Variants in ZNF236 observed in about 807,000 individuals in gnomAD.
ZNF236 encodes zinc finger protein 236.
Under a neutral mutation model 191.2 loss-of-function variants are expected in ZNF236, and 50 were observed. That is an observed-to-expected ratio of 0.26 (90% CI 0.21 to 0.33). The LOEUF (loss-of-function observed/expected upper bound fraction) is 0.33, where lower values mean the gene tolerates loss of function less well. Among genes scored for constraint, ZNF236 ranks in the 10% least tolerant of loss-of-function variants. ZNF236 has a pLI of 1.00. For missense variants in ZNF236, 1,754 were observed against 2,374.5 expected (o/e 0.74, Z 5.43); for synonymous variants, 907 against 928.8 (o/e 0.98, Z 0.43).
At chr18:76,830,800 C>T (rs1205177486) in intron 1 of ZNF236, among the ~76,000 whole-genome samples, 1 of 152,138 alleles carries the variant, frequency 6.6e-6, no homozygotes, top group Non-Finnish European at 1.5e-5. Flanking sequence ...AGTGGTATCT[C>T]ATTTTGATTT....
intron 11 of ZNF236, among the ~76,000 whole-genome samples, chr18:76,900,919 C>G (rs957897107): frequency 1.3e-5 from 2 of 152,136 alleles, no homozygotes; most frequent in Non-Finnish European, 2.9e-5. Flanking sequence ...ACTCAGATGT[C>G]AGAGAATCAG....
At chr18:76,966,769 G>C (rs1230120088) in intron 30 of ZNF236, among the ~76,000 whole-genome samples, 1 of 152,192 alleles carries the variant, frequency 6.6e-6, no homozygotes, top group African/African-American at 2.4e-5. Context: ...CCTACTGCTT[G>C]TCTGTCCCTT....
chr18:76,914,021 C>T (rs1967289746), intron 18 of ZNF236, 123 bp downstream of exon 18: 16 of 1,079,990 alleles, frequency 1.5e-5, no homozygotes, highest in Non-Finnish European at 2.1e-5. Flanking sequence ...TTAGTATGTT[C>T]ATAGAGTTCT....
Position 76,851,801 on chromosome 18 carries a change from A to G in ZNF236, c.225A>G (p.Gln75=), listed in dbSNP as rs374468003. The G allele has an allele frequency of 1.6e-5, 26 of 1,613,608 alleles. No homozygotes were observed. In the African/African-American group the frequency reaches 3.3e-4, roughly 21 times the overall value. Residue 75 remains glutamine (Q), a synonymous_variant, in exon 3 of 31, where the codon CAA becomes CAG. Coordinates refer to ENST00000320610, the MANE Select transcript of ZNF236 (RefSeq NM_001306089.2). ...DKPHRCDQCP[Q]TFNVEFNLTL... ...CACATCGATGTGACCAGTGCCCCCA[A>G]ACATTTAATGTTGAATTCAACCTGA...
In ZNF236 at chr18:76,910,731, A is replaced by G; in HGVS notation, c.2725A>G (p.Thr909Ala). The G allele has an allele frequency of 6.2e-7, 1 of 1,614,194 alleles. No individual in the cohort carries two copies. Among genetic ancestry groups the G allele is most frequent in the Non-Finnish European group, 8.5e-7 (1 of 1,180,028 alleles). ...TGTCCAACAGCTACAGGATTCCAGCACACTTGAGTCTCAGGCCCTCTCCAC... is the reference window on the plus strand; with the variant it reads ...TGTCCAACAGCTACAGGATTCCAGCGCACTTGAGTCTCAGGCCCTCTCCAC... ...PPVQQLQDSS[T>A]LESQALSTSF... Residue 909 changes from threonine (T) to alanine (A), a missense_variant, in exon 16 of 31, where the codon ACA becomes GCA. Around this residue, in one of 5 missense-constraint regions of ZNF236, gnomAD observed 641 missense variants for 869.6 expected, o/e 0.74. Transcript: ENST00000320610.
chr18:76,843,200 G>C (rs1459679743), intron 1 of ZNF236, among the ~76,000 whole-genome samples: 2 of 152,196 alleles, frequency 1.3e-5, no homozygotes, highest in Non-Finnish European at 2.9e-5. Flanking sequence ...TGGAGAGCAT[G>C]AGCCGGTGAG....
At chr18:76,887,200 T>TAAAATAC (rs1390964152) in intron 9 of ZNF236, 1 of 152,034 alleles carries the variant, frequency 6.6e-6, no homozygotes, top group African/African-American at 2.4e-5. Flanking sequence ...TGGTGAAACC[T>TAAAATAC]GTCTCTACTA....
chr18:76,834,632 C>G (rs1374799629), intron 1 of ZNF236: 1 of 446,826 alleles, frequency 2.2e-6, no homozygotes, highest in Non-Finnish European at 4.3e-6. Flanking sequence ...ATCCTTTTCC[C>G]GTTGCACCCA....
intron 11 of ZNF236, among the ~76,000 whole-genome samples, chr18:76,902,815 T>G (rs1977636368): frequency 6.6e-6 from 1 of 150,640 alleles, no homozygotes; most frequent in Admixed American, 6.6e-5. Flanking sequence ...GATCTCAAAC[T>G]CCCGACCTCA....
At chr18:76,830,664 A>G (rs1019780729) in intron 1 of ZNF236, among the ~76,000 whole-genome samples, 11 of 152,212 alleles carry the variant, frequency 7.2e-5, no homozygotes, top group African/African-American at 2.7e-4. Flanking sequence ...AAAAAGTCTC[A>G]TAATGTTTTA....
At position 76,880,447 on chromosome 18, in the gene ZNF236, G is replaced by A. The variant is rs1357792388; in HGVS notation, c.1188+131G>A. On this transcript the variant is annotated intron_variant, in intron 8 of 30. Coordinates refer to ENST00000320610, the MANE Select transcript of ZNF236 (RefSeq NM_001306089.2). The surrounding 1 kb of genome is among the most constrained non-coding windows in gnomAD (Gnocchi z 5.0). ...TCCTCATGAAAAATGTGCCTGAACC[G>A]AAAGAAATTAATATGCCTACTTAAT... is the stretch of plus-strand genomic sequence containing the variant. 1.5e-5 allele frequency: 14 copies of A among 930,388 alleles called. 1 individual carries two copies. Among genetic ancestry groups the A allele is most frequent in the Middle Eastern group, 3.5e-4 (1 of 2,856 alleles). The allele number at this position is 930,388 out of a possible 1,614,324, so 57.6% of individuals were successfully genotyped here. A position where few individuals can be genotyped will look rare whatever the true frequency, so the allele number is the denominator to read the frequency against.
In ZNF236 at chr18:76,919,965, G is replaced by C. The variant is rs760314710; in HGVS notation, c.3464G>C (p.Arg1155Thr). The C allele has an allele frequency of 6.2e-7, 1 of 1,614,060 alleles. No individual in the cohort carries two copies. The highest frequency in any genetic ancestry group is 1.7e-5 in the Admixed American group (1 of 60,030). ...AAEKDRISELRDKQAELQDEP... is the reference protein window; with the variant it reads ...AAEKDRISELTDKQAELQDEP... Reference sequence around the variant, plus strand: ...GAAAAGGACCGCATCAGTGAGCTGAGGGACAAGCAGGCGGAGCTGCAGGAC... The same window carrying C: ...GAAAAGGACCGCATCAGTGAGCTGACGGACAAGCAGGCGGAGCTGCAGGAC... Residue 1155 changes from arginine (R) to threonine (T), a missense_variant, in exon 20 of 31, where the codon AGG becomes ACG. Physicochemically the swap from Arg to Thr is moderately conservative, Grantham distance 71. Around this residue, in one of 5 missense-constraint regions of ZNF236, gnomAD observed 641 missense variants for 869.6 expected, o/e 0.74. Coordinates refer to ENST00000320610, the MANE Select transcript of ZNF236 (RefSeq NM_001306089.2). The surrounding 1 kb of genome is among the most constrained non-coding windows in gnomAD (Gnocchi z 5.3).
intron 10 of ZNF236, chr18:76,897,997 A>G (rs935497920): frequency 1.3e-5 from 2 of 152,136 alleles, no homozygotes; most frequent in Admixed American, 1.3e-4. Context: ...AACAAGTAAC[A>G]CTTATAAATG....
At chr18:76,873,258 T>C (rs1184832810) in intron 5 of ZNF236, among the ~76,000 whole-genome samples, 1 of 152,240 alleles carries the variant, frequency 6.6e-6, no homozygotes, top group African/African-American at 2.4e-5. Flanking sequence ...TTTAACAGTT[T>C]GATATCTACC....
Position 76,956,170 on chromosome 18 carries a change from C to T in ZNF236, c.5100C>T (p.Ala1700=). ...TGTGCAGGAAGGCCTTCAAGCGCGC[C>T]ACGCACCTCAAGGTAGGCCCACTGT... The part of the protein sequence containing the change: ...CPVCRKAFKR[A]THLKEHMQTH... Residue 1700 remains alanine (A), a synonymous_variant, in exon 28 of 31, where the codon GCC becomes GCT. Coordinates refer to ENST00000320610, the MANE Select transcript of ZNF236 (RefSeq NM_001306089.2). The T allele has an allele frequency of 6.5e-7, 1 of 1,549,974 alleles. No individual in the cohort carries two copies. The highest frequency in any genetic ancestry group is 1.2e-5 in the South Asian group (1 of 84,374).
At chr18:76,841,455 A>G (rs1423752295) in intron 1 of ZNF236, among the ~76,000 whole-genome samples, 1 of 152,250 alleles carries the variant, frequency 6.6e-6, no homozygotes, top group Non-Finnish European at 1.5e-5. Context: ...GAGTTTCTGA[A>G]CAGATATTTA....
At chr18:76,827,464 T>C (rs11150986) in intron 1 of ZNF236, among the ~76,000 whole-genome samples, 28,096 of 152,168 alleles carry the variant, frequency 0.18, 2,787 homozygotes, top group East Asian at 0.37. Flanking sequence ...AGATTACAGG[T>C]ATGAGCCACC....
intron 30 of ZNF236, among the ~76,000 whole-genome samples, chr18:76,963,504 T>C (rs1968708741): frequency 6.6e-6 from 1 of 152,188 alleles, no homozygotes; most frequent in South Asian, 2.1e-4. Context: ...TTTTAGCATC[T>C]ATGTTCATCA....
At chr18:76,836,841 T>C (rs1026874922) in intron 1 of ZNF236, among the ~76,000 whole-genome samples, 1 of 152,022 alleles carries the variant, frequency 6.6e-6, no homozygotes, top group African/African-American at 2.4e-5. Context: ...CCTCCCAAAG[T>C]GCGGGGATTA....
Sources: gnomAD v4.1 joint callset for allele counts (sites outside exome capture counted in the v4.1 genomes callset) on GRCh38, gnomAD v4.1.1 for gene constraint, gnomAD v4.1.1 regional missense constraint, Gnocchi (gnomAD v3.1) non-coding constraint, MANE v1.5 for transcripts, NCBI Gene and HGNC (gene_info 2026-07-23, HGNC 2026-07-21) for gene names.